SH3YL1: variants seen among roughly 807,000 people sequenced by gnomAD.
The protein encoded by SH3YL1 is SH3 domain-containing YSC84-like protein 1.
A neutral mutation model predicts 45.8 loss-of-function variants in SH3YL1; 41 were observed. The ratio of observed to expected loss-of-function variants is 0.89; its 90% CI spans 0.70 to 1.16. SH3YL1 has a LOEUF of 1.16. Among genes scored for constraint, SH3YL1 ranks in the 50% most tolerant of loss-of-function variants. The pLI is 0.00. For missense variants in SH3YL1, 389 were observed against 409.6 expected (o/e 0.95, Z 0.43); for synonymous variants, 152 against 151.4 (o/e 1.00, Z -0.03).
At chr2:238,634 A>G (rs767347067) in intron 4 of SH3YL1, among the ~76,000 whole-genome samples, 9 of 152,294 alleles carry the variant, frequency 5.9e-5, no homozygotes, top group Non-Finnish European at 1.3e-4. Flanking sequence ...AGGACTGTAC[A>G]TGTCCAAAGC....
intron 4 of SH3YL1, chr2:243,645 G>C: frequency 6.9e-7 from 1 of 1,439,764 alleles, no homozygotes; most frequent in Admixed American, 2.7e-5. Context: ...TAAACTTTAA[G>C]CAACAGCCTT....
At chr2:228,793 C>T (rs1667895920) in intron 8 of SH3YL1, among the ~76,000 whole-genome samples, 1 of 152,136 alleles carries the variant, frequency 6.6e-6, no homozygotes, top group African/African-American at 2.4e-5. Flanking sequence ...GGGAGGGTTA[C>T]ATTTAGACCA....
At chr2:262,841 T>G in intron 1 of SH3YL1, 1 of 602,162 alleles carries the variant, frequency 1.7e-6, no homozygotes. Flanking sequence ...TATTTTAAAC[T>G]TTTTTTTAAC....
rs771184714 is a variant in SH3YL1, at chr2:218,797, A to G, written c.*14T>C. 3 of 1,558,612 alleles carry G rather than the reference A, an allele frequency of 1.9e-6. No homozygotes were observed. Among genetic ancestry groups the G allele is most frequent in the Non-Finnish European group, 2.6e-6 (3 of 1,148,734 alleles). ...ATTTTTTTGTAATTCTCAAAGAAGA[A>G]AATAGTATACGCTTTAATTCATGGT... On this transcript the variant is annotated 3_prime_UTR_variant, in exon 10 of 10. Coordinates refer to ENST00000356150, the MANE Select transcript of SH3YL1 (RefSeq NM_015677.4).
At chr2:234,848 A>G (rs1668216007) in intron 4 of SH3YL1, among the ~76,000 whole-genome samples, 1 of 152,196 alleles carries the variant, frequency 6.6e-6, no homozygotes, top group African/African-American at 2.4e-5. Context: ...AGCAGTTTCC[A>G]TTAGGAATGC....
intron 4 of SH3YL1, chr2:243,565 A>T (rs919469234): frequency 2.7e-6 from 4 of 1,467,764 alleles, no homozygotes; most frequent in Non-Finnish European, 3.6e-6. Context: ...AAATGTGTCT[A>T]TTAAAAAAAA....
At chr2:241,934 G>A (rs1668565149) in intron 4 of SH3YL1, 1 of 152,068 alleles carries the variant, frequency 6.6e-6, no homozygotes, top group African/African-American at 2.4e-5. Context: ...CTGAAAGCAA[G>A]TGACTCTAGA....
chr2:227,476 G>T (rs538422004), intron 8 of SH3YL1, among the ~76,000 whole-genome samples: 2 of 152,194 alleles, frequency 1.3e-5, no homozygotes, highest in African/African-American at 4.8e-5. Context: ...CATGGATACT[G>T]AATAATTATT....
intron 1 of SH3YL1, among the ~76,000 whole-genome samples, chr2:258,973 A>T (rs1240600096): frequency 6.6e-6 from 1 of 152,146 alleles, no homozygotes; most frequent in Non-Finnish European, 1.5e-5. Context: ...TGCAAATTCC[A>T]GTTACCTCAG....
chr2:224,079 G>C (rs754841243), intron 9 of SH3YL1, among the ~76,000 whole-genome samples: 1 of 152,204 alleles, frequency 6.6e-6, no homozygotes, highest in South Asian at 2.1e-4. Context: ...TTAATTCTCC[G>C]ACAGTTTTAT....
intron 4 of SH3YL1, among the ~76,000 whole-genome samples, chr2:238,132 C>T (rs141422289): frequency 4.6e-5 from 7 of 152,248 alleles, no homozygotes; most frequent in Admixed American, 3.9e-4. Context: ...CTGGACAACC[C>T]GCTAAGAAAG....
intron 4 of SH3YL1, among the ~76,000 whole-genome samples, chr2:238,883 A>T (rs1276888661): frequency 6.6e-6 from 1 of 152,196 alleles, no homozygotes; most frequent in Non-Finnish European, 1.5e-5. Context: ...ACTAATTTAG[A>T]CAATTATTCA....
chr2:220,590 G>A (rs1307045404), intron 9 of SH3YL1, among the ~76,000 whole-genome samples: 1 of 152,200 alleles, frequency 6.6e-6, no homozygotes, highest in Non-Finnish European at 1.5e-5. Context: ...ATGAGCAGTC[G>A]CTGCCATGCA....
chr2:231,124 C>A lies in SH3YL1; in HGVS notation c.601G>T (p.Glu201Ter), dbSNP rs372248085. The A allele has an allele frequency of 3.1e-6, 5 of 1,614,012 alleles. No individual in the cohort carries two copies. The highest frequency in any genetic ancestry group is 3.3e-4 in the Middle Eastern group (2 of 6,060). The change falls in exon 7 of 10, where the codon GAA (glutamate) becomes TAA (stop). Residue 201 changes from glutamate (E) to a stop codon, truncating the protein, a stop_gained. Transcript: ENST00000356150. LOFTEE classifies it high-confidence loss of function. ...FGDTPRPAQA[E>*]DLYEILDSFT... Reference sequence around the variant, plus strand: ...GAATCAAGAATTTCATAAAGATCTTCGGCTTGAGCAGGCCGCGGTGTATCT... The same window carrying A: ...GAATCAAGAATTTCATAAAGATCTTAGGCTTGAGCAGGCCGCGGTGTATCT...
chr2:245,589 G>C (rs997539064), intron 4 of SH3YL1, among the ~76,000 whole-genome samples: 4 of 152,166 alleles, frequency 2.6e-5, no homozygotes, highest in African/African-American at 9.7e-5. Context: ...GAGAAGAAAA[G>C]CTACTTCCTA....
chr2:264,094 T>G, upstream of SH3YL1: 1 of 1,331,620 alleles, frequency 7.5e-7, no homozygotes, highest in Non-Finnish European at 9.7e-7. Flanking sequence ...CTGCGGCAGG[T>G]GACGAAGGAG....
chr2:263,924 C>T, intron 1 of SH3YL1, 60 bp downstream of exon 1: 4 of 1,408,448 alleles, frequency 2.8e-6, no homozygotes, highest in Non-Finnish European at 3.9e-6. Context: ...CTCCTCCCAC[C>T]ACCGCCCAGC....
At chr2:247,476 G>A in intron 4 of SH3YL1, 62 bp downstream of exon 4, 1 of 1,312,844 alleles carries the variant, frequency 7.6e-7, no homozygotes, top group Non-Finnish European at 1.1e-6. Flanking sequence ...AGTTTTCACA[G>A]GTTGCATCTT....
chr2:229,714 G>A (rs1459601410), intron 8 of SH3YL1, among the ~76,000 whole-genome samples: 2 of 127,714 alleles, frequency 1.6e-5, no homozygotes, highest in African/African-American at 5.9e-5. Flanking sequence ...GGGCGACAGA[G>A]CGAGACTCCG....
Sources: gnomAD v4.1 joint callset for allele counts (sites outside exome capture counted in the v4.1 genomes callset) on GRCh38, gnomAD v4.1.1 for gene constraint, MANE v1.5 for transcripts, NCBI Gene and HGNC (gene_info 2026-07-23, HGNC 2026-07-21) for gene names.